SKAP2: variants seen among roughly 807,000 people sequenced by gnomAD.
The protein encoded by SKAP2 is src kinase-associated phosphoprotein 2.
In SKAP2, 28 loss-of-function variants were observed where a neutral mutation model predicts 54.9. The observed-to-expected ratio is 0.51, with a 90% CI of 0.38 to 0.70. SKAP2 has a LOEUF of 0.70. Among genes scored for constraint, SKAP2 ranks in the 30% least tolerant of loss-of-function variants. The pLI is 0.00. For synonymous variants in SKAP2, 137 were observed against 134.3 expected (o/e 1.02, Z -0.14); for missense variants, 356 against 424.1 (o/e 0.84, Z 1.41).
At chr7:26,670,524 T>G (rs566579057) in intron 11 of SKAP2, among the ~76,000 whole-genome samples, 4 of 152,182 alleles carry the variant, frequency 2.6e-5, no homozygotes, top group African/African-American at 4.8e-5. Context: ...CTTTCATGTG[T>G]AAGAGGCTAT....
intron 11 of SKAP2, among the ~76,000 whole-genome samples, chr7:26,673,150 C>A (rs1166595886): frequency 6.6e-6 from 1 of 151,912 alleles, no homozygotes; most frequent in Non-Finnish European, 1.5e-5. Flanking sequence ...CAATCCATAC[C>A]AGGCTGTTGT....
intron 3 of SKAP2, among the ~76,000 whole-genome samples, chr7:26,851,021 G>C (rs970169445): frequency 6.6e-6 from 1 of 151,980 alleles, no homozygotes; most frequent in Non-Finnish European, 1.5e-5. Context: ...GTTTCTACCA[G>C]TGTAAACTAT....
chr7:26,704,482 C>G (rs12668948), intron 9 of SKAP2, among the ~76,000 whole-genome samples: 1 of 152,018 alleles, frequency 6.6e-6, no homozygotes, highest in Non-Finnish European at 1.5e-5. Flanking sequence ...AAGCACTTTT[C>G]GTAATACGAA....
intron 4 of SKAP2, among the ~76,000 whole-genome samples, chr7:26,815,487 C>T (rs892106113): frequency 6.6e-6 from 1 of 151,966 alleles, no homozygotes; most frequent in African/African-American, 2.4e-5. Context: ...TTAAAAGGGT[C>T]GAATAGCAAA....
At chr7:26,799,245 A>G (rs554490050) in intron 4 of SKAP2, among the ~76,000 whole-genome samples, 1 of 151,962 alleles carries the variant, frequency 6.6e-6, no homozygotes, top group Non-Finnish European at 1.5e-5. Flanking sequence ...AATGGATTAA[A>G]CTCTTCAATC....
At chr7:26,656,764 C>T in the SKAP2 span, among the ~76,000 whole-genome samples, 2 of 152,022 alleles carry the variant, frequency 1.3e-5, no homozygotes, top group African/African-American at 4.8e-5. Context: ...AAAGATATTT[C>T]ATACAAAGAG....
At chr7:26,842,881 G>C (rs1784846645) in intron 4 of SKAP2, among the ~76,000 whole-genome samples, 1 of 141,372 alleles carries the variant, frequency 7.1e-6, no homozygotes, top group South Asian at 2.2e-4. Context: ...GAATATAACA[G>C]CAAAAAAAAA....
chr7:26,738,230 G>A (rs13234336), intron 6 of SKAP2, among the ~76,000 whole-genome samples: 103,768 of 152,072 alleles, frequency 0.68, 35,693 homozygotes, highest in East Asian at 0.88. Flanking sequence ...TCAAATTAAT[G>A]GTGCTAATAA....
chr7:26,733,123 C>T (rs899974480), intron 6 of SKAP2, among the ~76,000 whole-genome samples: 2 of 150,216 alleles, frequency 1.3e-5, no homozygotes, highest in African/African-American at 4.9e-5. Flanking sequence ...AGAGCGAGAC[C>T]CCGTCTCAAA....
At chr7:26,683,390 C>G (rs943353464) in intron 11 of SKAP2, among the ~76,000 whole-genome samples, 1 of 152,174 alleles carries the variant, frequency 6.6e-6, no homozygotes, top group African/African-American at 2.4e-5. Context: ...AAAACCCATG[C>G]TAATGAGCAG....
At chr7:26,733,904 T>C (rs1036695174) in intron 6 of SKAP2, among the ~76,000 whole-genome samples, 2 of 152,144 alleles carry the variant, frequency 1.3e-5, no homozygotes, top group Non-Finnish European at 2.9e-5. Context: ...GCAAAAGCCC[T>C]GAGAGGAGGT....
intron 9 of SKAP2, among the ~76,000 whole-genome samples, chr7:26,695,391 T>G (rs563256844): frequency 6.6e-6 from 1 of 152,330 alleles, no homozygotes; most frequent in East Asian, 1.9e-4. Context: ...CCTCCAACAA[T>G]TCTATGAGGT....
In SKAP2 at chr7:26,690,286, T is replaced by C; in HGVS notation, c.873A>G (p.Ser291=). 6.3e-7 allele frequency: 1 copy of C among 1,597,232 alleles called. No individual in the cohort carries two copies. The highest frequency in any genetic ancestry group is 8.6e-7 in the Non-Finnish European group (1 of 1,164,776). The part of the protein sequence containing the change: ...KMSQDSVHHT[S]GDKSTDYANF... The stretch of plus-strand genomic sequence containing the variant: ...CCAAGAAGCTACACAAGTCATTACC[T>C]GAGGTGTGATGGACACTATCCTGAC... The change falls in exon 10 of 13, where the codon TCA becomes TCG. Residue 291 remains serine, a splice_region_variant and synonymous_variant. Coordinates refer to ENST00000345317, the MANE Select transcript of SKAP2 (RefSeq NM_003930.5).
intron 10 of SKAP2, among the ~76,000 whole-genome samples, chr7:26,687,047 C>T (rs1274767912): frequency 6.6e-6 from 1 of 151,714 alleles, no homozygotes; most frequent in Non-Finnish European, 1.5e-5. Flanking sequence ...GATTCTCTTA[C>T]AATAGTTTTT....
intron 9 of SKAP2, among the ~76,000 whole-genome samples, chr7:26,708,077 C>G (rs1328598374): frequency 2.0e-5 from 3 of 152,172 alleles, no homozygotes; most frequent in Non-Finnish European, 4.4e-5. Context: ...CAGGCAAATT[C>G]CTGTGTGGCC....
At chr7:26,726,540 T>A (rs1787713426) in intron 7 of SKAP2, 1 of 186,760 alleles carries the variant, frequency 5.4e-6, no homozygotes, top group Non-Finnish European at 1.1e-5. Context: ...GATATTTTTG[T>A]TTTAATAATT....
intron 1 of SKAP2, among the ~76,000 whole-genome samples, chr7:26,863,999 T>C (rs765845676): frequency 9.3e-5 from 14 of 150,312 alleles, no homozygotes; most frequent in Non-Finnish European, 1.8e-4. Context: ...TCACGCAGCA[T>C]TCATTATCAT....
chr7:26,807,729 T>A (rs1304337626), intron 4 of SKAP2, among the ~76,000 whole-genome samples: 1 of 152,188 alleles, frequency 6.6e-6, no homozygotes, highest in African/African-American at 2.4e-5. Flanking sequence ...CAAAACTCAC[T>A]GTTATCTTAC....
intron 3 of SKAP2, among the ~76,000 whole-genome samples, chr7:26,852,945 G>A (rs937288468): frequency 2.6e-5 from 4 of 151,770 alleles, no homozygotes; most frequent in Non-Finnish European, 4.4e-5. Flanking sequence ...TTATACATTC[G>A]TCTAAACAAA....
Sources: gnomAD v4.1 joint callset for allele counts (sites outside exome capture counted in the v4.1 genomes callset) on GRCh38, gnomAD v4.1.1 for gene constraint, MANE v1.5 for transcripts, NCBI Gene and HGNC (gene_info 2026-07-23, HGNC 2026-07-21) for gene names.